HLTF: variants seen among roughly 807,000 people sequenced by gnomAD.
HLTF encodes helicase like transcription factor, also known as DNA-dependent ATPase/E3 ubiquitin-protein ligase HLTF.
HLTF carries 127 observed loss-of-function variants against 129.4 expected under a neutral mutation model. The observed-to-expected ratio is 0.98, with a 90% confidence interval of 0.85 to 1.14. The LOEUF is 1.14. HLTF is among the 50% of genes most tolerant of loss of function. The pLI is 0.00. For synonymous variants in HLTF, 332 were observed against 388.8 expected (o/e 0.85, Z 1.72); for missense variants, 1,139 against 1,187.1 (o/e 0.96, Z 0.60).
Position 149,055,300 on chromosome 3 carries a change from T to C in HLTF, c.1473+3A>G, listed in dbSNP as rs899908055. On this transcript the variant is annotated splice_donor_region_variant and intron_variant, in intron 14 of 24. Transcript: ENST00000310053. ...TACATTTTTAAAGGGCTTAAAGACTTACAATCCAGTTGCTTAACACAGAAA... is the reference window on the plus strand; with the variant it reads ...TACATTTTTAAAGGGCTTAAAGACTCACAATCCAGTTGCTTAACACAGAAA... The C allele has an allele frequency of 3.1e-6, 5 of 1,599,444 alleles. No individual in the cohort carries two copies. The highest frequency in any genetic ancestry group is 1.7e-5 in the Admixed American group (1 of 59,888).
chr3:149,030,950 AAGTCTC>A lies in HLTF; in HGVS notation c.*1264_*1269del, dbSNP rs1714966222. On this transcript the variant is annotated 3_prime_UTR_variant, in exon 25 of 25. Coordinates refer to ENST00000310053, the MANE Select transcript of HLTF (RefSeq NM_003071.4). ...CTATCAAATGACTTCCAACACTCTT[AAGTCTC>A]AGGTATTCTTAAATCTGTATCATCA... 6.6e-6 allele frequency: 1 copy of A among 152,172 alleles called. No homozygotes were observed. The highest frequency in any genetic ancestry group is 6.5e-5 in the Admixed American group (1 of 15,274). The allele number at this position is 152,172 out of a possible 1,614,324, so 9.4% of individuals were successfully genotyped here. A position where few individuals can be genotyped will look rare whatever the true frequency, so the allele number is the denominator to read the frequency against.
At chr3:149,075,291 G>A (rs141248314) in intron 3 of HLTF, among the ~76,000 whole-genome samples, 2,741 of 152,296 alleles carry the variant, frequency 0.018, 86 homozygotes, top group African/African-American at 0.062. Flanking sequence ...GCTCACGCCT[G>A]TAATCCCAGC....
At chr3:149,051,396 G>T (rs1716983784) in intron 14 of HLTF, among the ~76,000 whole-genome samples, 1 of 151,362 alleles carries the variant, frequency 6.6e-6, no homozygotes, top group African/African-American at 2.4e-5. Flanking sequence ...GTGTAGATAT[G>T]AATTTTAAAG....
intron 2 of HLTF, among the ~76,000 whole-genome samples, chr3:149,080,524 C>T (rs1263243110): frequency 6.6e-6 from 1 of 152,074 alleles, no homozygotes; most frequent in African/African-American, 2.4e-5. Flanking sequence ...CTCTCCCAGT[C>T]GCCACCCCTC....
intron 8 of HLTF, among the ~76,000 whole-genome samples, chr3:149,067,956 C>T (rs1205262575): frequency 1.3e-5 from 2 of 152,124 alleles, no homozygotes; most frequent in East Asian, 3.9e-4. Flanking sequence ...CCAGCCTGGA[C>T]AACATGGCGA....
chr3:149,074,193 T>C lies in HLTF; in HGVS notation c.529+22A>G, dbSNP rs747819424. ...TGCATCTTACAATATCAGAATAATA[T>C]TAAGTGAAACCCTAAACTTACTTTT... On this transcript the variant is annotated intron_variant, in intron 4 of 24. Transcript: ENST00000310053. 21 of 1,601,632 alleles carry C rather than the reference T, an allele frequency of 1.3e-5. No individual in the cohort carries two copies. In the South Asian group the frequency reaches 2.2e-4, roughly 17 times the overall value.
At chr3:149,045,730 C>T (rs1716495639) in intron 18 of HLTF, among the ~76,000 whole-genome samples, 1 of 152,144 alleles carries the variant, frequency 6.6e-6, no homozygotes, top group African/African-American at 2.4e-5. Flanking sequence ...AATTTCATAC[C>T]TTCTACCAAT....
chr3:149,042,132 A>T, intron 19 of HLTF, 34 bp downstream of exon 19: 1 of 1,590,080 alleles, frequency 6.3e-7, no homozygotes, highest in Non-Finnish European at 8.6e-7. Flanking sequence ...ATCTCTGACA[A>T]ATACAATGAT....
intron 18 of HLTF, among the ~76,000 whole-genome samples, 163 bp downstream of exon 18, chr3:149,045,917 T>A (rs1449985442): frequency 6.6e-6 from 1 of 152,204 alleles, no homozygotes; most frequent in Non-Finnish European, 1.5e-5. Context: ...ATACTATTAT[T>A]TCATTCACTT....
intron 7 of HLTF, 101 bp downstream of exon 7, chr3:149,071,151 C>A: frequency 1.5e-6 from 1 of 687,258 alleles, no homozygotes; most frequent in Non-Finnish European, 2.4e-6. Flanking sequence ...TAGTCCCAAA[C>A]TGGTACCAAC....
At position 149,066,195 on chromosome 3, in the gene HLTF, C is replaced by T. The variant is rs141417571; in HGVS notation, c.991-1329G>A. On this transcript the variant is annotated intron_variant, in intron 8 of 24. Transcript: ENST00000310053. ...CCAAGTAACTGAGATTACAGGTATG[C>T]GCCACCACACCCAGCTAATTTTGTA... Among the ~76,000 whole-genome samples the T allele has an allele frequency of 3.4e-4, 52 of 151,902 alleles. No individual in the cohort carries two copies. In the East Asian group the frequency reaches 8.0e-3, roughly 23 times the overall value.
rs1253073099 is a variant in HLTF at position 149,074,308 on chromosome 3, G to T, written c.436C>A (p.Leu146Met). The change falls in exon 4 of 25, where the codon CTG (leucine) becomes ATG (methionine). Residue 146 changes from leucine to methionine, a missense_variant. Leu to Met is a conservative substitution (Grantham distance 15). Coordinates refer to ENST00000310053, the MANE Select transcript of HLTF (RefSeq NM_003071.4). ...FGANNAFTMPLHMTFWGKEEN... is the reference protein window; with the variant it reads ...FGANNAFTMPMHMTFWGKEEN... ...TCTTTTCCCCAAAAAGTCATATGCAGAGGCATGGTAAAAGCATTGTTTGCA... is the reference window on the plus strand; with the variant it reads ...TCTTTTCCCCAAAAAGTCATATGCATAGGCATGGTAAAAGCATTGTTTGCA... 3 of 1,613,256 alleles carry T rather than the reference G, an allele frequency of 1.9e-6. No individual in the cohort carries two copies. Among genetic ancestry groups the T allele is most frequent in the Non-Finnish European group, 2.5e-6 (3 of 1,179,588 alleles).
At chr3:149,073,135 C>T in intron 5 of HLTF, 90 bp downstream of exon 5, 2 of 660,274 alleles carry the variant, frequency 3.0e-6, no homozygotes, top group Non-Finnish European at 5.1e-6. Context: ...CCACAAATAC[C>T]CACACGTACA....
At chr3:149,055,524 G>A in intron 13 of HLTF, 124 bp from the exon 14 acceptor site, 6 of 652,092 alleles carry the variant, frequency 9.2e-6, no homozygotes, top group South Asian at 4.2e-5. Flanking sequence ...TGAAGCAGAT[G>A]GACTTTTAAC....
chr3:149,073,316 C>A lies in HLTF; in HGVS notation c.536G>T (p.Gly179Val). Reference sequence around the variant, plus strand: ...GCCCCAACCACTTTCCAAATTGAATCCTAAAGCTATAATTTACAAAATAAA... The same window carrying A: ...GCCCCAACCACTTTCCAAATTGAATACTAAAGCTATAATTTACAAAATAAA... ...FKLGPAPKTL[G>V]FNLESGWGSG... is the part of the protein sequence containing the mutation. Residue 179 changes from glycine to valine, a missense_variant, in exon 5 of 25, where the codon GGA becomes GTA. Coordinates refer to ENST00000310053, the MANE Select transcript of HLTF (RefSeq NM_003071.4). 1 of 1,603,854 alleles carries A rather than the reference C, an allele frequency of 6.2e-7. No homozygotes were observed. Among genetic ancestry groups the A allele is most frequent in the Middle Eastern group, 1.7e-4 (1 of 6,040 alleles).
At chr3:149,034,831 C>G in intron 24 of HLTF, 87 bp downstream of exon 24, 1 of 859,732 alleles carries the variant, frequency 1.2e-6, no homozygotes, top group Non-Finnish European at 1.9e-6. Context: ...TAATTACACT[C>G]AATCATAATA....
At chr3:149,057,643 CTCTG>C (rs1435131257) in intron 13 of HLTF, among the ~76,000 whole-genome samples, 2 of 152,258 alleles carry the variant, frequency 1.3e-5, no homozygotes, top group South Asian at 4.1e-4. Flanking sequence ...TGTGGTCATT[CTCTG>C]TCTCTCAAAA....
chr3:149,066,293 G>A (rs59657686), intron 8 of HLTF, among the ~76,000 whole-genome samples: 6,980 of 152,166 alleles, frequency 0.046, 197 homozygotes, highest in East Asian at 0.071. Context: ...TGATCTGCCC[G>A]CCTCAGCCTC....
At chr3:149,075,294 A>G (rs969113857) in intron 3 of HLTF, among the ~76,000 whole-genome samples, 1 of 152,228 alleles carries the variant, frequency 6.6e-6, no homozygotes, top group African/African-American at 2.4e-5. Context: ...CACGCCTGTA[A>G]TCCCAGCATT....
Sources: allele counts gnomAD v4.1 joint callset (sites outside exome capture counted in the v4.1 genomes callset), GRCh38; gene constraint gnomAD v4.1.1; transcripts MANE v1.5; gene names NCBI Gene and HGNC (gene_info 2026-07-23, HGNC 2026-07-21).